The following COL27A1 variants were observed in gnomAD, a reference collection of about 807,000 sequenced individuals.
The protein encoded by COL27A1 is collagen alpha-1(XXVII) chain.
In COL27A1, 106 loss-of-function variants were observed where a neutral mutation model predicts 251.3. The ratio of observed to expected loss-of-function variants is 0.42; its 90% confidence interval spans 0.36 to 0.50. The LOEUF (loss-of-function observed/expected upper bound fraction) is 0.50, where lower values mean the gene tolerates loss of function less well. COL27A1 is among the 20% of genes least tolerant of loss of function. The probability of loss-of-function intolerance (pLI) is 0.00; values close to 1 mark genes in which losing one functional copy is unlikely to be tolerated. For missense variants in COL27A1, 2,325 were observed against 2,522.8 expected, an observed-to-expected ratio of 0.92 and a Z score of 1.68; for synonymous variants, 1,000 against 986.3, an observed-to-expected ratio of 1.01 and a Z score of -0.26.
intron 14 of COL27A1, 88 bp downstream of exon 14, chr9:114,222,355 C>A: frequency 1.5e-6 from 2 of 1,293,452 alleles, no homozygotes; most frequent in Non-Finnish European, 2.2e-6. Context: ...GCAGGCCCTG[C>A]AGGGGAGGTT....
At chr9:114,243,603 G>T (rs1472215549) in intron 23 of COL27A1, 43 bp downstream of exon 23, 4 of 1,531,852 alleles carry the variant, frequency 2.6e-6, no homozygotes, top group Non-Finnish European at 2.7e-6. Flanking sequence ...GGAAAGAGGG[G>T]ATCCTACATA....
Position 114,169,188 on chromosome 9 carries a change from G to A in COL27A1, c.1633G>A (p.Ala545Thr). The A allele has an allele frequency of 6.2e-7, 1 of 1,614,070 alleles. No individual in the cohort carries two copies. Among genetic ancestry groups the A allele is most frequent in the Non-Finnish European group, 8.5e-7 (1 of 1,180,004 alleles). Residue 545 changes from alanine to threonine, a missense_variant, in exon 3 of 61, where the codon GCC (alanine) becomes ACC (threonine). By Grantham distance (58) the Ala-to-Thr change is moderately conservative (BLOSUM62 0). This residue lies in a region of COL27A1 where 1,183 missense variants were observed against 1,144.1 expected (regional missense o/e 1.03). Coordinates refer to ENST00000356083, the MANE Select transcript of COL27A1 (RefSeq NM_032888.4). ...CATTGGATCGGAAGCCTCAAAGAAAGCCGGACCCAAGAGCAGCCCCCGGAA... is the reference window on the plus strand; with the variant it reads ...CATTGGATCGGAAGCCTCAAAGAAAACCGGACCCAAGAGCAGCCCCCGGAA... ...KPIGSEASKK[A>T]GPKSSPRKPV...
chr9:114,282,319 A>T lies in COL27A1; in HGVS notation c.3760A>T (p.Thr1254Ser), dbSNP rs746015093. The T allele has an allele frequency of 6.2e-7, 1 of 1,614,028 alleles. No homozygotes were observed. The highest frequency in any genetic ancestry group is 8.5e-7 in the Non-Finnish European group (1 of 1,180,022). ...AGGGAAGCAAGGCGAGAAGGGCCGC[A>T]CTGGAGCCAAGGTAGGTGTCCCCTT... ...KSGKQGEKGR[T>S]GAKGAKGYQG... The change falls in exon 38 of 61, where the codon ACT becomes TCT. Residue 1254 changes from threonine to serine, a missense_variant. Coordinates refer to ENST00000356083, the MANE Select transcript of COL27A1 (RefSeq NM_032888.4).
At chr9:114,296,151 A>T (rs1436817747) in intron 49 of COL27A1, among the ~76,000 whole-genome samples, 1 of 152,238 alleles carries the variant, frequency 6.6e-6, no homozygotes, top group Non-Finnish European at 1.5e-5. Context: ...TAAGACAAAG[A>T]TTTCTTAGAT....
chr9:114,285,258 T>C (rs1250456742), intron 41 of COL27A1, among the ~76,000 whole-genome samples: 1 of 152,050 alleles, frequency 6.6e-6, no homozygotes. Flanking sequence ...GGGGAAGGCA[T>C]GTTCATTCCC....
At chr9:114,206,409 C>T in intron 10 of COL27A1, 113 bp downstream of exon 10, 1 of 1,052,280 alleles carries the variant, frequency 9.5e-7, no homozygotes, top group Non-Finnish European at 1.5e-6. Context: ...GGCCCTCCCA[C>T]TTGAGTGCTC....
At chr9:114,192,902 T>C (rs1324703949) in intron 5 of COL27A1, among the ~76,000 whole-genome samples, 2 of 152,170 alleles carry the variant, frequency 1.3e-5, no homozygotes, top group Non-Finnish European at 2.9e-5. Context: ...AGAAAAGAAC[T>C]GAGTGGGAAT....
chr9:114,156,058 C>A, intron 1 of COL27A1, 46 bp downstream of exon 1: 1 of 1,294,904 alleles, frequency 7.7e-7, no homozygotes, highest in Admixed American at 3.1e-5. Flanking sequence ...TCCTGCTGCT[C>A]CAATCTCGGG....
At chr9:114,284,619 G>C in intron 40 of COL27A1, 105 bp from the exon 41 acceptor site, 1 of 1,171,646 alleles carries the variant, frequency 8.5e-7, no homozygotes. Flanking sequence ...AGCTGGGGCA[G>C]AGCTGGGACC....
At chr9:114,179,150 G>A (rs1183347195) in intron 4 of COL27A1, among the ~76,000 whole-genome samples, 1 of 152,172 alleles carries the variant, frequency 6.6e-6, no homozygotes, top group Non-Finnish European at 1.5e-5. Context: ...GCCTGGTGAG[G>A]CCCTGGCAGA....
chr9:114,210,163 G>C (rs1830248666), intron 11 of COL27A1, among the ~76,000 whole-genome samples: 1 of 152,192 alleles, frequency 6.6e-6, no homozygotes, highest in Non-Finnish European at 1.5e-5. Flanking sequence ...GTGGCCCATG[G>C]GCCAAATCCA....
chr9:114,167,584 C>G, intron 2 of COL27A1, 105 bp from the exon 3 acceptor site: 1 of 907,342 alleles, frequency 1.1e-6, no homozygotes, highest in Non-Finnish European at 1.7e-6. Flanking sequence ...GACCAGGTAG[C>G]TGTGGGTGGA....
chr9:114,290,215 A>AC lies in COL27A1; in HGVS notation c.4261-3dup, dbSNP rs1272299980. ...AAATGCCCTCACCAGCTTTTTATGT[A>AC]CCCCCCAGGGCCTGCAGGGGCTGCC... On this transcript the variant is annotated splice_polypyrimidine_tract_variant and intron_variant, in intron 46 of 60. Transcript: ENST00000356083. This position sits in a 1 kb window ranked among gnomAD's most constrained non-coding sequence, Gnocchi z 4.6. The AC allele has an allele frequency of 4.9e-6, 7 of 1,442,444 alleles. No individual in the cohort carries two copies. The highest frequency in any genetic ancestry group is 3.5e-5 in the South Asian group (3 of 84,966). 89.4% of individuals were successfully genotyped at this position (1,442,444 alleles called of 1,614,324 possible).
intron 22 of COL27A1, among the ~76,000 whole-genome samples, chr9:114,243,010 G>A (rs951356684): frequency 6.6e-6 from 1 of 152,126 alleles, no homozygotes; most frequent in African/African-American, 2.4e-5. Flanking sequence ...TGACAATATT[G>A]CGCGCCATGC....
intron 2 of COL27A1, among the ~76,000 whole-genome samples, chr9:114,166,312 C>T (rs1228271358): frequency 6.6e-6 from 1 of 151,084 alleles, no homozygotes; most frequent in African/African-American, 2.4e-5. Flanking sequence ...TTCATCCATC[C>T]ATCTATACAT....
rs370592567 is a variant in COL27A1, at chr9:114,282,340, C to G, written c.3771+10C>G. ...CCGCACTGGAGCCAAGGTAGGTGTC[C>G]CCTTCTGACTTGATAGGCCTGCGTC... On this transcript the variant is annotated intron_variant, in intron 38 of 60. Coordinates refer to ENST00000356083, the MANE Select transcript of COL27A1 (RefSeq NM_032888.4). The G allele has an allele frequency of 5.0e-6, 8 of 1,613,834 alleles. No individual in the cohort carries two copies. In the African/African-American group the frequency reaches 1.1e-4, roughly 22 times the overall value.
chr9:114,268,869 A>C lies in COL27A1; in HGVS notation c.3502-372A>C, dbSNP rs116967123. 7.2e-3 allele frequency: 1,300 copies of C among 181,776 alleles called. 21 individuals are homozygous for C. The highest frequency in any genetic ancestry group is 0.04 in the Admixed American group (642 of 16,096). The allele number at this position is 181,776 out of a possible 1,614,324, so 11.3% of individuals were successfully genotyped here. The stretch of plus-strand genomic sequence containing the variant: ...GAGGATCACTTGAGCCTGGGAGATC[A>C]AGGCTGCAGTGAGCTGTGATTACCC... On this transcript the variant is annotated intron_variant, in intron 34 of 60. Coordinates refer to ENST00000356083, the MANE Select transcript of COL27A1 (RefSeq NM_032888.4).
At chr9:114,253,742 G>T (rs190467572) in intron 27 of COL27A1, among the ~76,000 whole-genome samples, 7 of 152,316 alleles carry the variant, frequency 4.6e-5, no homozygotes, top group Admixed American at 4.6e-4. Flanking sequence ...TGATCGTGTG[G>T]GTTAAATGGA....
intron 37 of COL27A1, among the ~76,000 whole-genome samples, chr9:114,277,358 G>A (rs1341923072): frequency 6.6e-6 from 1 of 152,094 alleles, no homozygotes; most frequent in Non-Finnish European, 1.5e-5. Context: ...TGCCATCCCA[G>A]TCTCCCTGGG....
Sources: gnomAD v4.1 joint callset for allele counts (sites outside exome capture counted in the v4.1 genomes callset) on GRCh38, gnomAD v4.1.1 for gene constraint, gnomAD v4.1.1 regional missense constraint, Gnocchi (gnomAD v3.1) non-coding constraint, MANE v1.5 for transcripts, NCBI Gene and HGNC (gene_info 2026-07-23, HGNC 2026-07-21) for gene names.